Variants in TRAM1 observed in about 807,000 individuals in gnomAD.
TRAM1 encodes translocating chain-associated membrane protein 1.
TRAM1 carries 17 observed loss-of-function variants against 48.7 expected under a neutral mutation model. The observed-to-expected ratio is 0.35, with a 90% CI of 0.24 to 0.52. The LOEUF is 0.52. TRAM1 is among the 20% of genes least tolerant of loss of function. The pLI is 0.94. For synonymous variants in TRAM1, 182 were observed against 154.0 expected, an observed-to-expected ratio of 1.18 and a Z score of -1.34; for missense variants, 351 against 441.5, an observed-to-expected ratio of 0.79 and a Z score of 1.84.
At chr8:70,579,605 T>C (rs967768532) in intron 10 of TRAM1, among the ~76,000 whole-genome samples, 1 of 152,148 alleles carries the variant, frequency 6.6e-6, no homozygotes, top group Non-Finnish European at 1.5e-5. Flanking sequence ...ATTCACAACA[T>C]TAATAGAGTA....
intron 3 of TRAM1, 59 bp from the exon 4 acceptor site, chr8:70,598,070 T>C (rs1029821050): frequency 3.9e-6 from 6 of 1,545,248 alleles, no homozygotes; most frequent in East Asian, 2.3e-5. Flanking sequence ...ATTTAATATA[T>C]GACTAGCAGA....
At position 70,600,052 on chromosome 8, in the gene TRAM1, T is replaced by C. The variant is rs774342300; in HGVS notation, c.154A>G (p.Thr52Ala). 5 of 1,613,540 alleles carry C rather than the reference T, an allele frequency of 3.1e-6. No individual in the cohort carries two copies. Among genetic ancestry groups the C allele is most frequent in the South Asian group, 2.2e-5 (2 of 91,036 alleles). Reference sequence around the variant, plus strand: ...GGGAGGGTGACATTGTACTGAAGAGTAACAAAAATGATAGAAGCTTTTGCC... The same window carrying C: ...GGGAGGGTGACATTGTACTGAAGAGCAACAAAAATGATAGAAGCTTTTGCC... ...ITAKASIIFV[T>A]LQYNVTLPAT... Residue 52 changes from threonine to alanine, a missense_variant, in exon 2 of 11, where the codon ACT becomes GCT. Thr to Ala is a moderately conservative substitution (Grantham distance 58). Coordinates refer to ENST00000262213, the MANE Select transcript of TRAM1 (RefSeq NM_014294.6).
rs779563706 is a variant in TRAM1, at chr8:70,574,269, C to G, written c.*663G>C. The G allele has an allele frequency of 9.0e-5, 37 of 409,416 alleles. 2 individuals are homozygous for G. The highest frequency in any genetic ancestry group is 6.7e-4 in the South Asian group (37 of 55,114). The allele number at this position is 409,416 out of a possible 1,614,324, so 25.4% of individuals were successfully genotyped here. A position where few individuals can be genotyped will look rare whatever the true frequency, so the allele number is the denominator to read the frequency against. On this transcript the variant is annotated 3_prime_UTR_variant, in exon 11 of 11. Coordinates refer to ENST00000262213, the MANE Select transcript of TRAM1 (RefSeq NM_014294.6). The stretch of plus-strand genomic sequence containing the variant: ...AATGCACAAGAAAGATTTTACTTCA[C>G]AAGTACTTTTAAGAATATACTTTGA...
In TRAM1 at chr8:70,583,269, T is replaced by C; in HGVS notation, c.946A>G (p.Ile316Val). The C allele has an allele frequency of 1.2e-6, 2 of 1,614,040 alleles. No homozygotes were observed. Among genetic ancestry groups the C allele is most frequent in the Non-Finnish European group, 1.7e-6 (2 of 1,179,990 alleles). The part of the protein sequence containing the change: ...VTQAFMMWKF[I>V]NFQLRRWREH... ...CTCCACCTTCGAAGCTGAAAATTAATGAACTTCCACATCATAAATGCCTGA... is the reference window on the plus strand; with the variant it reads ...CTCCACCTTCGAAGCTGAAAATTAACGAACTTCCACATCATAAATGCCTGA... Residue 316 changes from isoleucine (I) to valine (V), a missense_variant, in exon 10 of 11, where the codon ATT becomes GTT. Transcript: ENST00000262213.
chr8:70,600,856 C>A lies in TRAM1; in HGVS notation c.124-774G>T, dbSNP rs192241580. Among the ~76,000 whole-genome samples the A allele has an allele frequency of 2.8e-3, 422 of 151,976 alleles. 1 individual carries two copies. Among genetic ancestry groups the A allele is most frequent in the Middle Eastern group, 0.01 (3 of 294 alleles). On this transcript the variant is annotated intron_variant, in intron 1 of 10. Transcript: ENST00000262213. Reference sequence around the variant, plus strand: ...TGTGTTTTGCTGGAAAATAGGTGTTCCCTAGGTTCACAAAGGGGGATGAAG... The same window carrying A: ...TGTGTTTTGCTGGAAAATAGGTGTTACCTAGGTTCACAAAGGGGGATGAAG...
At chr8:70,577,262 T>G (rs979915543) in intron 10 of TRAM1, among the ~76,000 whole-genome samples, 1 of 151,962 alleles carries the variant, frequency 6.6e-6, no homozygotes, top group Non-Finnish European at 1.5e-5. Flanking sequence ...GGATGGCAGG[T>G]TGATGGCAGC....
chr8:70,605,859 A>T (rs1817708093), intron 1 of TRAM1, among the ~76,000 whole-genome samples: 1 of 152,200 alleles, frequency 6.6e-6, no homozygotes, highest in African/African-American at 2.4e-5. Context: ...TCCACTGTTT[A>T]AAAAAATCAC....
At chr8:70,587,227 CT>C in intron 6 of TRAM1, 51 bp from the exon 7 acceptor site, 7 of 1,573,636 alleles carry the variant, frequency 4.4e-6, no homozygotes, top group African/African-American at 1.4e-5. Context: ...TTTCCTTTCC[CT>C]TTTTTTAAGA....
In TRAM1 at chr8:70,587,392, A is replaced by G. The variant is rs1223541031; in HGVS notation, c.571-216T>C. The G allele has an allele frequency of 1.4e-5, 7 of 503,460 alleles. No individual in the cohort carries two copies. In the Admixed American group the frequency reaches 2.4e-4, roughly 17 times the overall value. 31.2% of individuals were successfully genotyped at this position (503,460 alleles called of 1,614,324 possible). On this transcript the variant is annotated intron_variant, in intron 6 of 10. Coordinates refer to ENST00000262213, the MANE Select transcript of TRAM1 (RefSeq NM_014294.6). ...AAGAGTAAGTGAAAAATGTAGAAGT[A>G]GGAGATCTGAAAGCTATTCTGCTCC...
intron 1 of TRAM1, among the ~76,000 whole-genome samples, chr8:70,605,524 T>C (rs1392188299): frequency 1.3e-5 from 2 of 152,206 alleles, no homozygotes; most frequent in Non-Finnish European, 2.9e-5. Context: ...CACAACAGGC[T>C]TAACAGTTCT....
intron 8 of TRAM1, among the ~76,000 whole-genome samples, chr8:70,586,159 A>G (rs1817214217): frequency 6.6e-6 from 1 of 151,618 alleles, no homozygotes; most frequent in Non-Finnish European, 1.5e-5. Flanking sequence ...CATTCTCAGC[A>G]AACTATCGCA....
intron 10 of TRAM1, among the ~76,000 whole-genome samples, chr8:70,579,570 A>G (rs919823637): frequency 4.6e-5 from 7 of 152,244 alleles, no homozygotes; most frequent in Non-Finnish European, 1.0e-4. Flanking sequence ...TTATTTTAAC[A>G]TTGATAGTCA....
At chr8:70,576,062 CT>C in intron 10 of TRAM1, among the ~76,000 whole-genome samples, 1 of 120,948 alleles carries the variant, frequency 8.3e-6, no homozygotes, top group East Asian at 2.4e-4. Context: ...CAGAGCTAGA[CT>C]CCATCTAAAA....
At chr8:70,607,574 T>A in intron 1 of TRAM1, 5 of 807,018 alleles carry the variant, frequency 6.2e-6, no homozygotes, top group Non-Finnish European at 7.5e-6. Context: ...GGGCCTGTGG[T>A]CTCCAGGCCG....
intron 1 of TRAM1, among the ~76,000 whole-genome samples, chr8:70,601,535 C>T (rs1485743035): frequency 6.6e-6 from 1 of 152,154 alleles, no homozygotes; most frequent in African/African-American, 2.4e-5. Flanking sequence ...TCCATTAGAA[C>T]TGGGATCATG....
At chr8:70,587,083 A>G (rs756407152) in intron 7 of TRAM1, 23 bp downstream of exon 7, 22 of 1,613,318 alleles carry the variant, frequency 1.4e-5, no homozygotes, top group Admixed American at 3.3e-5. Flanking sequence ...CTACTTACAC[A>G]CCCATGAAAT....
intron 6 of TRAM1, chr8:70,587,503 T>C (rs1253003569): frequency 4.9e-6 from 1 of 204,464 alleles, no homozygotes; most frequent in Non-Finnish European, 9.8e-6. Context: ...ATTTCATCCA[T>C]AAAATGTGAA....
At chr8:70,600,144 G>T in intron 1 of TRAM1, 62 bp from the exon 2 acceptor site, 2 of 1,312,166 alleles carry the variant, frequency 1.5e-6, no homozygotes, top group South Asian at 1.2e-5. Context: ...TAACAGATCG[G>T]GGCAAAAACA....
chr8:70,574,253 G>GAA lies in TRAM1; in HGVS notation c.*677_*678dup, dbSNP rs1175713897. 4.8e-6 allele frequency: 2 copies of GAA among 412,448 alleles called. No homozygotes were observed. The highest frequency in any genetic ancestry group is 2.1e-5 in the African/African-American group (1 of 46,972). The allele number at this position is 412,448 out of a possible 1,614,324, so 25.5% of individuals were successfully genotyped here. A position where few individuals can be genotyped will look rare whatever the true frequency, so the allele number is the denominator to read the frequency against. ...GTTTACAAGTATTGAAAATGCACAA[G>GAA]AAAGATTTTACTTCACAAGTACTTT... On this transcript the variant is annotated 3_prime_UTR_variant, in exon 11 of 11. Coordinates refer to ENST00000262213, the MANE Select transcript of TRAM1 (RefSeq NM_014294.6).
Sources: allele counts gnomAD v4.1 joint callset (sites outside exome capture counted in the v4.1 genomes callset), GRCh38; gene constraint gnomAD v4.1.1; transcripts MANE v1.5; gene names NCBI Gene and HGNC (gene_info 2026-07-23, HGNC 2026-07-21).